The following UBE2H variants were observed in gnomAD, a reference collection of about 807,000 sequenced individuals.
UBE2H encodes ubiquitin-conjugating enzyme E2 H.
In UBE2H, 3 loss-of-function variants were observed where a neutral mutation model predicts 29.0. The observed-to-expected ratio is 0.10, with a 90% confidence interval of 0.05 to 0.27. The LOEUF (loss-of-function observed/expected upper bound fraction) is 0.27. Ranked by LOEUF, UBE2H falls within the 10% of genes least tolerant of loss-of-function variation. The pLI, the probability that UBE2H is intolerant of heterozygous loss-of-function variation, is 1.00. For synonymous variants in UBE2H, 69 were observed against 82.9 expected, an observed-to-expected ratio of 0.83 and a Z score of 0.91; for missense variants, 68 against 228.2, an observed-to-expected ratio of 0.30 and a Z score of 4.52.
Position 129,914,467 on chromosome 7 carries a change from A to G in UBE2H, c.54-33496T>C, listed in dbSNP as rs1807004216. Among the ~76,000 whole-genome samples, 3 of 152,104 alleles carry G rather than the reference A, an allele frequency of 2.0e-5. No individual in the cohort carries two copies. In the South Asian group the frequency reaches 6.2e-4, roughly 32 times the overall value. ...CAGGCGTGAGCCACCATGCCCGACC[A>G]AAAATCAACCTTTTAAACAACTCCC... On this transcript the variant is annotated intron_variant, in intron 1 of 6. Coordinates refer to ENST00000355621, the MANE Select transcript of UBE2H (RefSeq NM_003344.4).
At position 129,952,701 on chromosome 7, in the gene UBE2H, G is replaced by GC; in HGVS notation, c.-147dup. On this transcript the variant is annotated 5_prime_UTR_variant, in exon 1 of 7. Coordinates refer to ENST00000355621, the MANE Select transcript of UBE2H (RefSeq NM_003344.4). ...GGCGGTCCCGTCAGCCGCCGCCGCC[G>GC]CCCCCCGCACGGGGGAACACCGGGC... The GC allele has an allele frequency of 1.2e-5, 9 of 736,862 alleles. No individual in the cohort carries two copies. The highest frequency in any genetic ancestry group is 2.6e-5 in the South Asian group (1 of 38,882). The allele number at this position is 736,862 out of a possible 1,614,324, so 45.6% of individuals were successfully genotyped here.
chr7:129,917,037 C>CAAA lies in UBE2H; in HGVS notation c.53+35463_53+35465dup, dbSNP rs35874993. Among the ~76,000 whole-genome samples, 138 of 96,390 alleles carry CAAA rather than the reference C, an allele frequency of 1.4e-3. 3 individuals carry two copies. Among genetic ancestry groups the CAAA allele is most frequent in the Admixed American group, 2.2e-3 (19 of 8,828 alleles). The allele number at this position is 96,390 out of a possible 152,430, so 63.2% of individuals were successfully genotyped here. ...GGGCGACACAGCAAGATTCCGTCTC[C>CAAA]AAAAAAAAAAAAAAAAACACAGCTG... On this transcript the variant is annotated intron_variant, in intron 1 of 6. Transcript: ENST00000355621.
At chr7:129,942,729 AAAT>A (rs1177936704) in intron 1 of UBE2H, among the ~76,000 whole-genome samples, 1 of 152,234 alleles carries the variant, frequency 6.6e-6, no homozygotes, top group Non-Finnish European at 1.5e-5. Context: ...TTTACAAAGA[AAAT>A]AATACCATCA....
rs1047474989 is a variant in UBE2H at position 129,830,980 on chromosome 7, A to G, written c.*3957T>C. 1.3e-5 allele frequency: 2 copies of G among 151,724 alleles called. No homozygotes were observed. The highest frequency in any genetic ancestry group is 1.3e-4 in the Admixed American group (2 of 15,232). 9.4% of individuals were successfully genotyped at this position (151,724 alleles called of 1,614,324 possible). A position where few individuals can be genotyped will look rare whatever the true frequency, so the allele number is the denominator to read the frequency against. On this transcript the variant is annotated 3_prime_UTR_variant, in exon 7 of 7. Coordinates refer to ENST00000355621, the MANE Select transcript of UBE2H (RefSeq NM_003344.4). ...TCAAGTATCACACAATATGTACCAA[A>G]TACAATCTGTAAATAATGGCCATTT...
At chr7:129,867,018 C>T (rs1286655454) in intron 3 of UBE2H, among the ~76,000 whole-genome samples, 1 of 152,172 alleles carries the variant, frequency 6.6e-6, no homozygotes, top group African/African-American at 2.4e-5. Context: ...CATCCTAAAA[C>T]TGATTAATAT....
intron 1 of UBE2H, among the ~76,000 whole-genome samples, chr7:129,886,766 G>A (rs1423667698): frequency 5.9e-5 from 3 of 50,726 alleles, no homozygotes; most frequent in Admixed American, 2.1e-4. Context: ...TTGTTTTTTG[G>A]TAAAAAAAAA....
chr7:129,923,031 G>A (rs1807196242), intron 1 of UBE2H, among the ~76,000 whole-genome samples: 1 of 152,036 alleles, frequency 6.6e-6, no homozygotes, highest in African/African-American at 2.4e-5. Flanking sequence ...CCTCAGAGTA[G>A]CTGGGATTAC....
chr7:129,890,062 G>A (rs529459030), intron 1 of UBE2H, among the ~76,000 whole-genome samples: 1 of 152,196 alleles, frequency 6.6e-6, no homozygotes, highest in South Asian at 2.1e-4. Context: ...GAGCCCAGGA[G>A]TTTGAGTCTG....
chr7:129,951,150 AACT>A (rs996445435), intron 1 of UBE2H: 2 of 152,196 alleles, frequency 1.3e-5, no homozygotes, highest in African/African-American at 4.8e-5. Context: ...CATATGCAAA[AACT>A]ACTTTTTTAA....
At chr7:129,892,716 T>G (rs539172435) in intron 1 of UBE2H, among the ~76,000 whole-genome samples, 1 of 152,356 alleles carries the variant, frequency 6.6e-6, no homozygotes, top group African/African-American at 2.4e-5. Context: ...GAGAGGTTCT[T>G]TTCCTAGTTT....
intron 3 of UBE2H, among the ~76,000 whole-genome samples, chr7:129,861,353 A>G (rs1805798376): frequency 6.6e-6 from 1 of 152,238 alleles, no homozygotes; most frequent in Non-Finnish European, 1.5e-5. Context: ...AAATGTTAAC[A>G]GTGTAGAATT....
intron 5 of UBE2H, among the ~76,000 whole-genome samples, chr7:129,856,764 T>C (rs1288147622): frequency 6.6e-6 from 1 of 152,210 alleles, no homozygotes; most frequent in Non-Finnish European, 1.5e-5. Context: ...TGGTTTTCAA[T>C]AAATACAGCT....
chr7:129,903,249 G>C (rs1239894776), intron 1 of UBE2H, among the ~76,000 whole-genome samples: 1 of 152,192 alleles, frequency 6.6e-6, no homozygotes, highest in South Asian at 2.1e-4. Flanking sequence ...TTTCAGATAA[G>C]GATGTGGCAT....
intron 5 of UBE2H, among the ~76,000 whole-genome samples, chr7:129,846,495 A>G (rs1805514830): frequency 6.6e-6 from 1 of 151,988 alleles, no homozygotes; most frequent in Admixed American, 6.6e-5. Flanking sequence ...GGATGGGTCG[A>G]GGCTGCAGTA....
intron 3 of UBE2H, among the ~76,000 whole-genome samples, chr7:129,871,651 T>G (rs1404754887): frequency 6.7e-6 from 1 of 149,914 alleles, no homozygotes; most frequent in East Asian, 2.0e-4. Flanking sequence ...GGGGCAGAGG[T>G]TGCAGTAAGC....
chr7:129,939,068 C>G (rs1807591111), intron 1 of UBE2H, among the ~76,000 whole-genome samples: 1 of 152,116 alleles, frequency 6.6e-6, no homozygotes, highest in South Asian at 2.1e-4. Flanking sequence ...CAAAGTGCTA[C>G]GATTACAGGC....
chr7:129,922,755 G>C lies in UBE2H; in HGVS notation c.53+29748C>G, dbSNP rs148708218. ...TATACTATTCTAATTATATGTATCTGAGTTATTTTGTTTTAGAGATGGGGA... is the reference window on the plus strand; with the variant it reads ...TATACTATTCTAATTATATGTATCTCAGTTATTTTGTTTTAGAGATGGGGA... On this transcript the variant is annotated intron_variant, in intron 1 of 6. Transcript: ENST00000355621. 4.4e-3 allele frequency among the ~76,000 whole-genome samples: 672 copies of C among 152,206 alleles called. 6 individuals are homozygous for C. The highest frequency in any genetic ancestry group is 0.015 in the African/African-American group (642 of 41,552).
chr7:129,858,878 A>G (rs778027963), intron 4 of UBE2H, 24 bp downstream of exon 4: 1 of 1,601,236 alleles, frequency 6.2e-7, no homozygotes, highest in Admixed American at 1.7e-5. Flanking sequence ...GCTAAAATTG[A>G]AACATTTTAA....
chr7:129,949,888 C>G (rs758279723), intron 1 of UBE2H, among the ~76,000 whole-genome samples: 18 of 152,188 alleles, frequency 1.2e-4, no homozygotes, highest in Non-Finnish European at 2.1e-4. Context: ...GCCCCCCACA[C>G]CAAAGAAATC....
Sources: allele counts gnomAD v4.1 joint callset (sites outside exome capture counted in the v4.1 genomes callset), GRCh38; gene constraint gnomAD v4.1.1; transcripts MANE v1.5; gene names NCBI Gene and HGNC (gene_info 2026-07-23, HGNC 2026-07-21).